DSP: variants seen among roughly 807,000 people sequenced by gnomAD.
The protein encoded by DSP is 250/210 kDa paraneoplastic pemphigus antigen.
In DSP, 114 loss-of-function variants were observed where a neutral mutation model predicts 290.6. The ratio of observed to expected loss-of-function variants is 0.39; its 90% CI spans 0.34 to 0.46. DSP has a LOEUF of 0.46. Ranked by LOEUF, DSP falls within the 20% of genes least tolerant of loss-of-function variation. DSP has a pLI of 0.99. For synonymous variants in DSP, 1,311 were observed against 1,316.4 expected (o/e 1.00, Z 0.09); for missense variants, 3,230 against 3,495.8 (o/e 0.92, Z 1.92).
At position 7,584,355 on chromosome 6, in the gene DSP, A is replaced by G. The variant is rs759385567; in HGVS notation, c.7093A>G (p.Ile2365Val). ...NKELIEKGHG[I>V]RLLEAQIATG... ...GGAACTCATCGAAAAGGGCCACGGT[A>G]TTCGCTTATTAGAAGCACAGATCGC... is the stretch of plus-strand genomic sequence containing the variant. Residue 2365 changes from isoleucine to valine, a missense_variant, in exon 24 of 24, where the codon ATT (isoleucine) becomes GTT (valine). Physicochemically the swap from Ile to Val is conservative, Grantham distance 29. Around this residue, in one of 5 missense-constraint regions of DSP, gnomAD observed 207 missense variants for 281.2 expected, o/e 0.74. Coordinates refer to ENST00000379802, the MANE Select transcript of DSP (RefSeq NM_004415.4). This position sits in a 1 kb window ranked among gnomAD's most constrained non-coding sequence, Gnocchi z 6.4. The G allele has an allele frequency of 6.2e-7, 1 of 1,614,080 alleles. No individual in the cohort carries two copies. Among genetic ancestry groups the G allele is most frequent in the Non-Finnish European group, 8.5e-7 (1 of 1,180,022 alleles).
At chr6:7,564,621 G>A (rs1287906232) in intron 6 of DSP, among the ~76,000 whole-genome samples, 7 of 152,014 alleles carry the variant, frequency 4.6e-5, no homozygotes. Flanking sequence ...AGTACAATAG[G>A]GATATTATAG....
chr6:7,548,064 C>T (rs1226975701), intron 1 of DSP, among the ~76,000 whole-genome samples: 1 of 152,046 alleles, frequency 6.6e-6, no homozygotes, highest in East Asian at 1.9e-4. Flanking sequence ...GTCAGGAGTT[C>T]CAGCCCAGCC....
At position 7,568,457 on chromosome 6, in the gene DSP, T is replaced by G. The variant is rs776059069; in HGVS notation, c.1287T>G (p.Leu429=). ...KELEKEREKI[L]EYKRQVQNLV... ...TGCAGAAAGAACGAGAGAAAATCCT[T>G]GAATACAAGCGTCAGGTGCAGAACT... The change falls in exon 11 of 24, where the codon CTT becomes CTG. Residue 429 remains leucine, a synonymous_variant. Coordinates refer to ENST00000379802, the MANE Select transcript of DSP (RefSeq NM_004415.4). 6.2e-7 allele frequency: 1 copy of G among 1,614,134 alleles called. No individual in the cohort carries two copies. The highest frequency in any genetic ancestry group is 1.7e-4 in the Middle Eastern group (1 of 6,060).
intron 1 of DSP, among the ~76,000 whole-genome samples, chr6:7,546,854 C>A (rs1178181508): frequency 6.6e-6 from 1 of 152,122 alleles, no homozygotes; most frequent in Non-Finnish European, 1.5e-5. Context: ...TTTAATGGGA[C>A]AATACAGCTT....
rs1759474107 is a variant in DSP, at chr6:7,582,624, T to C, written c.5380-18T>C. The C allele has an allele frequency of 6.2e-7, 1 of 1,600,056 alleles. No individual in the cohort carries two copies. Among genetic ancestry groups the C allele is most frequent in the Non-Finnish European group, 8.6e-7 (1 of 1,167,372 alleles). ...TCAAAACATTATTTTTTCCCATTTCTTTCTTCTTCAATTCCAGGCATCTAA... is the reference window on the plus strand; with the variant it reads ...TCAAAACATTATTTTTTCCCATTTCCTTCTTCTTCAATTCCAGGCATCTAA... On this transcript the variant is annotated intron_variant, in intron 23 of 23. Coordinates refer to ENST00000379802, the MANE Select transcript of DSP (RefSeq NM_004415.4). This position sits in a 1 kb window ranked among gnomAD's most constrained non-coding sequence, Gnocchi z 4.2.
chr6:7,573,737 A>G (rs534570658), intron 15 of DSP, among the ~76,000 whole-genome samples: 1 of 152,310 alleles, frequency 6.6e-6, no homozygotes, highest in South Asian at 2.1e-4. Flanking sequence ...AACAGAGAGT[A>G]GGATGGTGAT....
intron 20 of DSP, 115 bp downstream of exon 20, chr6:7,577,157 A>G: frequency 2.6e-6 from 2 of 769,024 alleles, no homozygotes; most frequent in Non-Finnish European, 4.1e-6. Context: ...TACGGTCTGT[A>G]TATATTCTTT....
Position 7,566,376 on chromosome 6 carries a change from G to C in DSP, c.940-1G>C. On this transcript the variant is annotated splice_acceptor_variant, in intron 7 of 23. Transcript: ENST00000379802. LOFTEE classifies it high-confidence loss of function. Reference sequence around the variant, plus strand: ...AGGATTTCTTATTTCTTCATTCACAGATACGCATGAGTCAACTGGAAGTTA... The same window carrying C: ...AGGATTTCTTATTTCTTCATTCACACATACGCATGAGTCAACTGGAAGTTA... 1 of 1,611,912 alleles carries C rather than the reference G, an allele frequency of 6.2e-7. No individual in the cohort carries two copies. The highest frequency in any genetic ancestry group is 8.5e-7 in the Non-Finnish European group (1 of 1,178,692).
Position 7,542,075 on chromosome 6 carries a change from G to A in DSP, c.160G>A (p.Asp54Asn), listed in dbSNP as rs375610261. The A allele has an allele frequency of 6.4e-7, 1 of 1,562,634 alleles. No homozygotes were observed. Among genetic ancestry groups the A allele is most frequent in the Non-Finnish European group, 8.7e-7 (1 of 1,153,726 alleles). ...CGGCGTGATCACCGACCAGAACTCG[G>A]ACGGCTACTGGTGGGTACCTGCCCG... ...RRGVITDQNS[D>N]GYCQTGTMSR... Residue 54 changes from aspartate to asparagine, a missense_variant, in exon 1 of 24, where the codon GAC becomes AAC. By Grantham distance (23) the Asp-to-Asn change is conservative. Transcript: ENST00000379802.
intron 1 of DSP, among the ~76,000 whole-genome samples, chr6:7,548,312 A>G (rs1758229192): frequency 6.6e-6 from 1 of 151,946 alleles, no homozygotes; most frequent in South Asian, 2.1e-4. Context: ...CAACAGCAGC[A>G]GCCTCCGCAA....
chr6:7,561,141 C>T (rs774080384), intron 4 of DSP, among the ~76,000 whole-genome samples: 4 of 151,842 alleles, frequency 2.6e-5, no homozygotes, highest in East Asian at 1.9e-4. Context: ...TTAGTAGAGA[C>T]GGGGGTTTTG....
rs1443011576 is a variant in DSP, at chr6:7,569,104, ATC to A, written c.1420-78_1420-77del. On this transcript the variant is annotated intron_variant, in intron 11 of 23. Transcript: ENST00000379802. The stretch of plus-strand genomic sequence containing the variant: ...AAGCTTTAATAATTCGCATGTGTTC[ATC>A]TCTGTTTCCATCATTGAGAAAAAAA... 1.3e-5 allele frequency: 21 copies of A among 1,587,622 alleles called. No homozygotes were observed. In the African/African-American group the frequency reaches 2.7e-4, roughly 20 times the overall value.
chr6:7,585,712 A>G lies in DSP; in HGVS notation c.8450A>G (p.Tyr2817Cys). 6.2e-7 allele frequency: 1 copy of G among 1,613,502 alleles called. No homozygotes were observed. The highest frequency in any genetic ancestry group is 8.5e-7 in the Non-Finnish European group (1 of 1,179,708). ...TCGTCCAAGGGCTTACCCAGCCCTT[A>G]CAACATGTCTTCGGCTCCGGGGTCC... Reference protein sequence around the residue: ...SVSSKGLPSPYNMSSAPGSRS... With the variant: ...SVSSKGLPSPCNMSSAPGSRS... Residue 2817 changes from tyrosine to cysteine, a missense_variant, in exon 24 of 24, where the codon TAC (tyrosine) becomes TGC (cysteine). Tyr to Cys is a radical substitution (Grantham distance 194). This residue lies in a region of DSP where 582 missense variants were observed against 555.4 expected (regional missense o/e 1.05). Transcript: ENST00000379802.
chr6:7,570,372 G>C (rs1759005988), intron 12 of DSP, 65 bp from the exon 13 acceptor site: 1 of 1,613,082 alleles, frequency 6.2e-7, no homozygotes. Flanking sequence ...AGCGTGTCCA[G>C]GTTTCCCATT....
intron 1 of DSP, among the ~76,000 whole-genome samples, chr6:7,554,082 A>AAC (rs10658102): frequency 0.14 from 15,743 of 115,860 alleles, 1,040 homozygotes; most frequent in Middle Eastern, 0.23. Context: ...CTTTCTTTAA[A>AAC]ACACACACAC....
chr6:7,571,858 C>T lies in DSP; in HGVS notation c.1920C>T (p.Ile640=), dbSNP rs74806300. Residue 640 remains isoleucine (I), a synonymous_variant, in exon 15 of 24, where the codon ATC becomes ATT. Coordinates refer to ENST00000379802, the MANE Select transcript of DSP (RefSeq NM_004415.4). ...TTTTTACAGTGACCACAACTGAAATCACTCATCATGGAACCTGCCAAGATG... is the reference window on the plus strand; with the variant it reads ...TTTTTACAGTGACCACAACTGAAATTACTCATCATGGAACCTGCCAAGATG... ...PQHQTVTTTE[I]THHGTCQDVN... 421 of 1,612,974 alleles carry T rather than the reference C, an allele frequency of 2.6e-4. 2 individuals carry two copies. The African/African-American group carries it at 5.0e-3, about 19-fold the overall frequency.
chr6:7,558,013 G>A, intron 2 of DSP, 103 bp from the exon 3 acceptor site: 2 of 1,420,238 alleles, frequency 1.4e-6, no homozygotes, highest in Middle Eastern at 1.8e-4. Flanking sequence ...GAAACTTACA[G>A]TTTTTGTCAT....
chr6:7,555,568 AAC>A (rs1758483392), intron 1 of DSP, 148 bp from the exon 2 acceptor site: 5 of 709,252 alleles, frequency 7.0e-6, no homozygotes, highest in Admixed American at 4.0e-5. Flanking sequence ...GGATAAAAGA[AAC>A]ACAACAAAAT....
At chr6:7,555,058 T>C (rs73375319) in intron 1 of DSP, among the ~76,000 whole-genome samples, 7 of 152,192 alleles carry the variant, frequency 4.6e-5, no homozygotes, top group East Asian at 1.9e-4. Flanking sequence ...GAGGTCTTCC[T>C]GCAGAGGGAC....
Sources: allele counts gnomAD v4.1 joint callset (sites outside exome capture counted in the v4.1 genomes callset), GRCh38; gene constraint gnomAD v4.1.1; regional missense constraint gnomAD v4.1.1; non-coding constraint Gnocchi (gnomAD v3.1); transcripts MANE v1.5; gene names NCBI Gene and HGNC (gene_info 2026-07-23, HGNC 2026-07-21).